Variants in MTSS1 observed in about 807,000 individuals in gnomAD.
MTSS1 encodes MTSS I-BAR domain containing 1, also known as protein MTSS 1.
In MTSS1, 18 loss-of-function variants were observed where a neutral mutation model predicts 79.0. That is an observed-to-expected ratio of 0.23 (90% confidence interval 0.16 to 0.34). The LOEUF (loss-of-function observed/expected upper bound fraction) is 0.34, where lower values mean the gene tolerates loss of function less well. MTSS1 is among the 10% of genes least tolerant of loss of function. MTSS1 has a pLI of 1.00. For missense variants in MTSS1, 815 were observed against 986.2 expected (o/e 0.83, Z 2.33); for synonymous variants, 341 against 368.6 (o/e 0.93, Z 0.86).
chr8:124,626,977 CAG>C (rs1554681129), intron 3 of MTSS1, among the ~76,000 whole-genome samples: 48 of 152,296 alleles, frequency 3.2e-4, no homozygotes, highest in African/African-American at 1.1e-3. Context: ...AGCCTGCACA[CAG>C]GGGTTGGACA....
chr8:124,601,708 G>A (rs1037140014), intron 3 of MTSS1, among the ~76,000 whole-genome samples: 1 of 152,182 alleles, frequency 6.6e-6, no homozygotes, highest in African/African-American at 2.4e-5. Flanking sequence ...CACTCTGGCT[G>A]GACCGAGCAG....
chr8:124,563,099 A>T, intron 9 of MTSS1, 107 bp from the exon 10 acceptor site: 1 of 945,146 alleles, frequency 1.1e-6, no homozygotes, highest in Non-Finnish European at 1.6e-6. Flanking sequence ...GAAGAGAGAG[A>T]AGCACAACAT....
intron 3 of MTSS1, among the ~76,000 whole-genome samples, chr8:124,609,106 A>C (rs1835334816): frequency 6.6e-6 from 1 of 152,174 alleles, no homozygotes; most frequent in East Asian, 1.9e-4. Flanking sequence ...GCTCCCTGAG[A>C]ACATCATCAC....
intron 3 of MTSS1, among the ~76,000 whole-genome samples, chr8:124,592,304 A>G (rs1325448665): frequency 6.6e-6 from 1 of 152,216 alleles, no homozygotes; most frequent in African/African-American, 2.4e-5. Flanking sequence ...GGGAGAGCAA[A>G]TTATAACCAC....
At chr8:124,599,797 G>A (rs949650087) in intron 3 of MTSS1, among the ~76,000 whole-genome samples, 3 of 152,026 alleles carry the variant, frequency 2.0e-5, no homozygotes, top group Non-Finnish European at 4.4e-5. Flanking sequence ...CACACTCCAC[G>A]CAGCCTGCAA....
Position 124,693,885 on chromosome 8 carries a change from A to T in MTSS1, c.208+5641T>A, listed in dbSNP as rs147798315. 9.4e-3 allele frequency among the ~76,000 whole-genome samples: 1,437 copies of T among 152,356 alleles called. 17 individuals carry two copies. The highest frequency in any genetic ancestry group is 0.016 in the Non-Finnish European group (1,063 of 68,030). On this transcript the variant is annotated intron_variant, in intron 3 of 13. Transcript: ENST00000518547. ...AAGAACCAAGGCAAGATTTTAAATC[A>T]TAGAATATTAGAGCCAAAAAAAAAT...
chr8:124,584,128 C>G (rs1830472291), intron 6 of MTSS1, among the ~76,000 whole-genome samples: 1 of 152,170 alleles, frequency 6.6e-6, no homozygotes, highest in African/African-American at 2.4e-5. Context: ...TATCATCACC[C>G]CACTACACAC....
In MTSS1 at chr8:124,562,929, G is replaced by A; in HGVS notation, c.888C>T (p.Ser296=). 6.2e-7 allele frequency: 1 copy of A among 1,613,802 alleles called. No individual in the cohort carries two copies. Among genetic ancestry groups the A allele is most frequent in the South Asian group, 1.1e-5 (1 of 91,036 alleles). ...TGGAGCTGCGGTAGCGGTAATGTGAGCTGGGGGAATGCGAGTGGGAGCCGC... is the reference window on the plus strand; with the variant it reads ...TGGAGCTGCGGTAGCGGTAATGTGAACTGGGGGAATGCGAGTGGGAGCCGC... ...RSSGSHSHSP[S]SHYRYRSSNL... is the part of the protein sequence containing the mutation. Residue 296 remains serine (S), a synonymous_variant, in exon 10 of 14, where the codon AGC becomes AGT. Coordinates refer to ENST00000518547, the MANE Select transcript of MTSS1 (RefSeq NM_014751.6).
At chr8:124,689,295 A>AGACCAAACCAAACCATCTAGGTCT (rs1827543350) in intron 3 of MTSS1, among the ~76,000 whole-genome samples, 3 of 152,184 alleles carry the variant, frequency 2.0e-5, no homozygotes, top group Admixed American at 2.0e-4. Flanking sequence ...CTGACCAAAC[A>AGACCAAACCAAACCATCTAGGTCT]GACCCGTCCT....
chr8:124,645,128 G>C (rs920493117), intron 3 of MTSS1, among the ~76,000 whole-genome samples: 1 of 152,196 alleles, frequency 6.6e-6, no homozygotes. Flanking sequence ...AGCACTTTGG[G>C]AGGCTGAGGT....
At chr8:124,562,359 T>C (rs16899698) in intron 10 of MTSS1, among the ~76,000 whole-genome samples, 4,690 of 152,286 alleles carry the variant, frequency 0.031, 261 homozygotes, top group African/African-American at 0.11. Context: ...CGCCAAGGGA[T>C]GGTATCGGAA....
At chr8:124,639,506 G>A (rs1391810298) in intron 3 of MTSS1, among the ~76,000 whole-genome samples, 1 of 151,614 alleles carries the variant, frequency 6.6e-6, no homozygotes, top group African/African-American at 2.4e-5. Flanking sequence ...ACAGGGTCTT[G>A]TTCTGTGTCA....
At chr8:124,662,930 G>T (rs1366085274) in intron 3 of MTSS1, among the ~76,000 whole-genome samples, 2 of 152,038 alleles carry the variant, frequency 1.3e-5, no homozygotes, top group East Asian at 3.9e-4. Flanking sequence ...ATGATCCAAG[G>T]GACCGAGACG....
At chr8:124,716,021 G>A (rs77235309) in intron 1 of MTSS1, among the ~76,000 whole-genome samples, 4,989 of 152,310 alleles carry the variant, frequency 0.033, 249 homozygotes, top group African/African-American at 0.11. Flanking sequence ...AATGTACGAT[G>A]CCAATCACCC....
chr8:124,675,823 G>A lies in MTSS1; in HGVS notation c.208+23703C>T, dbSNP rs149235153. 1.4e-4 allele frequency among the ~76,000 whole-genome samples: 21 copies of A among 152,310 alleles called. No individual in the cohort carries two copies. The East Asian group carries it at 3.5e-3, about 25-fold the overall frequency. On this transcript the variant is annotated intron_variant, in intron 3 of 13. Coordinates refer to ENST00000518547, the MANE Select transcript of MTSS1 (RefSeq NM_014751.6). ...ATCCAAGTTGTAGCATCTGCACTTC[G>A]TCCCTTTTTACGGTTGAATAATATT...
At chr8:124,672,808 C>G (rs11775605) in intron 3 of MTSS1, among the ~76,000 whole-genome samples, 1 of 151,930 alleles carries the variant, frequency 6.6e-6, no homozygotes, top group Admixed American at 6.6e-5. Flanking sequence ...ACACCCCATC[C>G]TAAAATAAAT....
chr8:124,592,700 A>G (rs990520516), intron 3 of MTSS1, among the ~76,000 whole-genome samples: 10 of 152,288 alleles, frequency 6.6e-5, no homozygotes, highest in Admixed American at 5.2e-4. Flanking sequence ...TGAAGAGAGA[A>G]ACCTTCTGAG....
In MTSS1 at chr8:124,565,703, A is replaced by G. The variant is rs979179018; in HGVS notation, c.783T>C (p.Ser261=). The change falls in exon 9 of 14, where the codon TCT becomes TCC. Residue 261 remains serine (S), a synonymous_variant. Coordinates refer to ENST00000518547, the MANE Select transcript of MTSS1 (RefSeq NM_014751.6). ...TTCTGGACATGGTGGTGCTGGGGGA[A>G]GAGGGTGGCGTCTGATACGACCAGC... ...DYSWSYQTPP[S]SPSTTMSRKS... The G allele has an allele frequency of 1.9e-6, 3 of 1,613,982 alleles. No homozygotes were observed. Among genetic ancestry groups the G allele is most frequent in the African/African-American group, 1.3e-5 (1 of 74,900 alleles).
intron 3 of MTSS1, among the ~76,000 whole-genome samples, chr8:124,655,801 T>C (rs549806210): frequency 2.0e-5 from 3 of 152,146 alleles, no homozygotes; most frequent in African/African-American, 7.2e-5. Flanking sequence ...AGCTGGTCCT[T>C]GAAGCATCAG....
Sources: allele counts gnomAD v4.1 joint callset (sites outside exome capture counted in the v4.1 genomes callset), GRCh38; gene constraint gnomAD v4.1.1; transcripts MANE v1.5; gene names NCBI Gene and HGNC (gene_info 2026-07-23, HGNC 2026-07-21).